Variants in CFC1 observed in about 807,000 individuals in gnomAD.
CFC1 encodes cryptic protein.
For missense variants in CFC1, 14 were observed against 120.0 expected (o/e 0.12, Z 4.13); for synonymous variants, 8 against 50.7 (o/e 0.16, Z 3.58).
chr2:130,596,991 G>C (rs561106029), intron 5 of CFC1, among the ~76,000 whole-genome samples: 1 of 148,170 alleles, frequency 6.7e-6, no homozygotes, highest in Admixed American at 6.6e-5. Flanking sequence ...GGGCCAAGAG[G>C]CTGGGCCTTC....
At chr2:130,593,459 G>A (rs1173131829) in intron 5 of CFC1, among the ~76,000 whole-genome samples, 11 of 152,240 alleles carry the variant, frequency 7.2e-5, no homozygotes, top group Non-Finnish European at 1.6e-4. Flanking sequence ...AAATCAGCTC[G>A]CTTCCGTCTG....
intron 5 of CFC1, among the ~76,000 whole-genome samples, chr2:130,594,302 G>C (rs1337975311): frequency 1.4e-5 from 2 of 147,748 alleles, no homozygotes; most frequent in Non-Finnish European, 2.9e-5. Flanking sequence ...TAACGTCTAG[G>C]CTCAGACGAG....
At chr2:130,595,938 C>G (rs1170824415) in intron 5 of CFC1, among the ~76,000 whole-genome samples, 1 of 99,236 alleles carries the variant, frequency 1.0e-5, no homozygotes, top group Non-Finnish European at 1.9e-5. Flanking sequence ...GCTGTAACAC[C>G]CAGAAGAGCT....
At chr2:130,594,071 T>C (rs1318108262) in intron 5 of CFC1, among the ~76,000 whole-genome samples, 1 of 149,884 alleles carries the variant, frequency 6.7e-6, no homozygotes, top group Non-Finnish European at 1.5e-5. Context: ...AGATGTCCTC[T>C]GGACTTGGGA....
At chr2:130,596,667 G>GGA (rs1684969580) in intron 5 of CFC1, among the ~76,000 whole-genome samples, 1 of 145,152 alleles carries the variant, frequency 6.9e-6, no homozygotes, top group African/African-American at 2.8e-5. Flanking sequence ...GGAAGGTGAA[G>GGA]GAGAGCTAAG....
Position 130,598,716 on chromosome 2 carries a change from A to G in CFC1, c.173T>C (p.Phe58Ser). The G allele has an allele frequency of 6.2e-7, 1 of 1,613,680 alleles. No homozygotes were observed. The highest frequency in any genetic ancestry group is 1.3e-5 in the African/African-American group (1 of 74,910). Residue 58 changes from phenylalanine (F) to serine (S), a missense_variant, in exon 3 of 6, where the codon TTC becomes TCC. Coordinates refer to ENST00000259216, the MANE Select transcript of CFC1 (RefSeq NM_032545.4). ...CTCGGCGCTCCCAGTCACCTCTCCG[A>G]AATGACTGGAGGTCCAGTTGAGCGG... is the stretch of plus-strand genomic sequence containing the variant. The part of the protein sequence containing the change: ...QSPLNWTSSH[F>S]GEVTGSAEGW...
intron 5 of CFC1, among the ~76,000 whole-genome samples, chr2:130,596,693 C>T (rs1684970338): frequency 2.1e-5 from 3 of 145,866 alleles, no homozygotes; most frequent in African/African-American, 5.5e-5. Context: ...ATTGTGTACT[C>T]CTCCATTGTG....
intron 5 of CFC1, among the ~76,000 whole-genome samples, chr2:130,594,274 A>G (rs1462723086): frequency 2.0e-5 from 3 of 148,168 alleles, no homozygotes; most frequent in Non-Finnish European, 4.4e-5. Context: ...GGGTGCCAGA[A>G]TCCCCAAACA....
In CFC1 at chr2:130,598,801, T is replaced by C. The variant is rs1406913601; in HGVS notation, c.88A>G (p.Lys30Glu). 1 of 1,605,804 alleles carries C rather than the reference T, an allele frequency of 6.2e-7. No individual in the cohort carries two copies. Among genetic ancestry groups the C allele is most frequent in the Non-Finnish European group, 8.5e-7 (1 of 1,174,262 alleles). The change falls in exon 3 of 6, where the codon AAA becomes GAA. Residue 30 changes from lysine (K) to glutamate (E), a missense_variant. Physicochemically the swap from Lys to Glu is moderately conservative, Grantham distance 56 (BLOSUM62 1). Coordinates refer to ENST00000259216, the MANE Select transcript of CFC1 (RefSeq NM_032545.4). ...ACTTCCTCTCTACCGCCGTTATGTT[T>C]CTCTCTTTGATAGCCTTTAAAAAAT... ...INLGNSYQRE[K>E]HNGGREEVTK...
At chr2:130,599,082 TATA>T (rs1244954616) in intron 1 of CFC1, 123 bp from the exon 2 acceptor site, 78 of 153,894 alleles carry the variant, frequency 5.1e-4, no homozygotes, top group Non-Finnish European at 5.9e-4. Context: ...GTAAAATAAT[TATA>T]ATGAATAAGG....
chr2:130,598,158 CCTG>C (rs2105176710), intron 3 of CFC1, among the ~76,000 whole-genome samples, 176 bp from the exon 4 acceptor site: 1 of 118,174 alleles, frequency 8.5e-6, no homozygotes, highest in South Asian at 2.8e-4. Flanking sequence ...AGGGGTGCGG[CCTG>C]CAAGCCGGGC....
intron 5 of CFC1, among the ~76,000 whole-genome samples, chr2:130,594,542 TTTGTTTGC>T (rs1684912959): frequency 7.5e-6 from 1 of 133,672 alleles, no homozygotes; most frequent in Non-Finnish European, 1.5e-5. Context: ...CCCACGGATG[TTTGTTTGC>T]TTGTTGGTTG....
chr2:130,598,989 T>C (rs1685026728), intron 1 of CFC1, 30 bp from the exon 2 acceptor site: 1 of 636,950 alleles, frequency 1.6e-6, no homozygotes, highest in African/African-American at 2.9e-5. Context: ...TCATTGAAGT[T>C]GAAAGTATCT....
chr2:130,598,685 C>A lies in CFC1; in HGVS notation c.204G>T (p.Trp68Cys), dbSNP rs371700198. Residue 68 changes from tryptophan to cysteine, a missense_variant, in exon 3 of 6, where the codon TGG becomes TGT. Physicochemically the swap from Trp to Cys is radical, Grantham distance 215 (BLOSUM62 -2). Coordinates refer to ENST00000259216, the MANE Select transcript of CFC1 (RefSeq NM_032545.4). ...AGTAGGGGAGCGGCTCCTCCGGCCC[C>A]CAGCCCTCGGCGCTCCCAGTCACCT... ...FGEVTGSAEG[W>C]GPEEPLPYSR... 32 of 1,613,820 alleles carry A rather than the reference C, an allele frequency of 2.0e-5. No homozygotes were observed. The highest frequency in any genetic ancestry group is 2.7e-5 in the Non-Finnish European group (32 of 1,179,866).
At chr2:130,598,416 T>C (rs1573959964) in intron 3 of CFC1, among the ~76,000 whole-genome samples, 2 of 150,610 alleles carry the variant, frequency 1.3e-5, no homozygotes, top group South Asian at 2.1e-4. Flanking sequence ...AAATAACCAT[T>C]GAAGAGCAAA....
At chr2:130,593,335 G>T (rs557012636) in intron 5 of CFC1, among the ~76,000 whole-genome samples, 6 of 152,414 alleles carry the variant, frequency 3.9e-5, no homozygotes, top group South Asian at 2.1e-4. Context: ...AAGGGGGAAC[G>T]AAGAACAGCC....
chr2:130,598,492 A>T (rs1685004956), intron 3 of CFC1, 150 bp downstream of exon 3: 1 of 1,417,754 alleles, frequency 7.1e-7, no homozygotes, highest in Non-Finnish European at 9.7e-7. Flanking sequence ...CTCTAGCTTT[A>T]TAGCTTTGTA....
chr2:130,595,745 A>G (rs1402846589), intron 5 of CFC1, among the ~76,000 whole-genome samples: 6 of 151,270 alleles, frequency 4.0e-5, no homozygotes, highest in Non-Finnish European at 8.8e-5. Context: ...CTCAAAAAAA[A>G]AAAGACTACA....
At chr2:130,593,546 AG>A (rs2105169813) in intron 5 of CFC1, among the ~76,000 whole-genome samples, 1 of 152,010 alleles carries the variant, frequency 6.6e-6, no homozygotes, top group Non-Finnish European at 1.5e-5. Context: ...ATAGAGCAGG[AG>A]GGTGCAGCCA....
Sources: gnomAD v4.1 joint callset for allele counts (sites outside exome capture counted in the v4.1 genomes callset) on GRCh38, gnomAD v4.1.1 for gene constraint, MANE v1.5 for transcripts, NCBI Gene and HGNC (gene_info 2026-07-23, HGNC 2026-07-21) for gene names.